The following VPS13B variants were observed in gnomAD, a reference collection of about 807,000 sequenced individuals.
VPS13B encodes intermembrane lipid transfer protein VPS13B.
Under a neutral mutation model 426.4 loss-of-function variants are expected in VPS13B, and 285 were observed. That is an observed-to-expected ratio of 0.67 (90% CI 0.61 to 0.74). The LOEUF is 0.74. Ranked by LOEUF, VPS13B falls within the 30% of genes least tolerant of loss-of-function variation. The pLI is 0.00. For synonymous variants in VPS13B, 1,676 were observed against 1,676.4 expected (o/e 1.00, Z 0.01); for missense variants, 4,537 against 4,782.6 (o/e 0.95, Z 1.51).
At chr8:99,255,273 A>T (rs978756424) in intron 17 of VPS13B, among the ~76,000 whole-genome samples, 2 of 152,058 alleles carry the variant, frequency 1.3e-5, no homozygotes, top group African/African-American at 4.8e-5. Context: ...TTTCTTTGCC[A>T]AAATCTATTT....
chr8:99,831,521 T>C (rs886392881), intron 51 of VPS13B, among the ~76,000 whole-genome samples: 1 of 152,230 alleles, frequency 6.6e-6, no homozygotes, highest in African/African-American at 2.4e-5. Context: ...CTAAAAATTA[T>C]GTTAGATTAA....
chr8:99,699,246 T>G (rs758591977), intron 35 of VPS13B, among the ~76,000 whole-genome samples: 1 of 150,656 alleles, frequency 6.6e-6, no homozygotes, highest in Non-Finnish European at 1.5e-5. Context: ...ATTGACAGCC[T>G]TGATATCCTT....
At position 99,800,964 on chromosome 8, in the gene VPS13B, A is replaced by T. The variant is rs1347517130; in HGVS notation, c.7942-8411A>T. 2.6e-5 allele frequency among the ~76,000 whole-genome samples: 4 copies of T among 152,230 alleles called. No homozygotes were observed. The East Asian group carries it at 7.7e-4, about 29-fold the overall frequency. On this transcript the variant is annotated intron_variant, in intron 43 of 61. Transcript: ENST00000357162. ...AATTCAAATGACTATTACAAAGTAT[A>T]TGATGAAATGACACAATGCACTGTT...
chr8:99,075,388 A>T (rs1393654625), intron 3 of VPS13B, among the ~76,000 whole-genome samples: 2 of 152,106 alleles, frequency 1.3e-5, no homozygotes, highest in Non-Finnish European at 2.9e-5. Context: ...AGTGCTGGGG[A>T]GGTACCACAC....
intron 34 of VPS13B, among the ~76,000 whole-genome samples, chr8:99,656,099 G>A (rs1830009442): frequency 6.6e-6 from 1 of 152,196 alleles, no homozygotes; most frequent in South Asian, 2.1e-4. Flanking sequence ...GACATAATAT[G>A]ATGAAATTTG....
At chr8:99,038,879 G>A (rs1196217302) in intron 3 of VPS13B, among the ~76,000 whole-genome samples, 1 of 151,626 alleles carries the variant, frequency 6.6e-6, no homozygotes, top group Non-Finnish European at 1.5e-5. Flanking sequence ...TAGAGAAGGG[G>A]TTTCACTATG....
intron 35 of VPS13B, among the ~76,000 whole-genome samples, chr8:99,689,229 A>G (rs765232146): frequency 1.3e-5 from 2 of 151,242 alleles, no homozygotes; most frequent in Non-Finnish European, 2.9e-5. Flanking sequence ...CACAACTGGG[A>G]ACCATATTTT....
At chr8:99,521,306 C>T (rs528116264) in intron 30 of VPS13B, among the ~76,000 whole-genome samples, 38 of 152,262 alleles carry the variant, frequency 2.5e-4, no homozygotes, top group South Asian at 6.2e-4. Flanking sequence ...TCTCTAATCA[C>T]ATAAGAAAAC....
chr8:99,779,380 T>C (rs1347012671), intron 42 of VPS13B, among the ~76,000 whole-genome samples: 1 of 152,202 alleles, frequency 6.6e-6, no homozygotes, highest in Non-Finnish European at 1.5e-5. Context: ...TCAAATTGTC[T>C]AACGGTCCAT....
chr8:99,559,474 C>T (rs921261067), intron 31 of VPS13B, among the ~76,000 whole-genome samples: 1 of 152,126 alleles, frequency 6.6e-6, no homozygotes, highest in African/African-American at 2.4e-5. Context: ...GTCATGAAGT[C>T]CTTGCCCATG....
At chr8:99,383,730 G>A (rs1054402063) in intron 19 of VPS13B, among the ~76,000 whole-genome samples, 2 of 151,988 alleles carry the variant, frequency 1.3e-5, no homozygotes, top group African/African-American at 4.8e-5. Context: ...TGTTTTCTTT[G>A]TCAGGCTTAT....
At position 99,760,577 on chromosome 8, in the gene VPS13B, T is replaced by G. The variant is rs1019192086; in HGVS notation, c.7051-6197T>G. 1.6e-4 allele frequency among the ~76,000 whole-genome samples: 24 copies of G among 152,276 alleles called. No individual in the cohort carries two copies. In the East Asian group the frequency reaches 4.0e-3, roughly 26 times the overall value. ...TTTGTAGGATGGAGAAATAAGATAA[T>G]GTAAAGATGATGTCTACATGCTTTT... On this transcript the variant is annotated intron_variant, in intron 39 of 61. Coordinates refer to ENST00000357162, the MANE Select transcript of VPS13B (RefSeq NM_152564.5).
At chr8:99,158,225 A>G (rs1303450513) in intron 15 of VPS13B, among the ~76,000 whole-genome samples, 1 of 152,222 alleles carries the variant, frequency 6.6e-6, no homozygotes, top group Non-Finnish European at 1.5e-5. Context: ...AGGAGAAGTC[A>G]ATGCCTTGCT....
chr8:99,557,511 A>G (rs192820277), intron 31 of VPS13B, among the ~76,000 whole-genome samples: 215 of 152,250 alleles, frequency 1.4e-3, no homozygotes, highest in African/African-American at 5.0e-3. Context: ...ACCATGGTGT[A>G]TATATACCAC....
intron 34 of VPS13B, among the ~76,000 whole-genome samples, chr8:99,648,400 T>C (rs564683689): frequency 4.3e-4 from 66 of 152,378 alleles, no homozygotes; most frequent in African/African-American, 1.5e-3. Context: ...TTGTATGTGA[T>C]GGCTTAAGAA....
At chr8:99,600,417 T>C (rs1191405473) in intron 33 of VPS13B, among the ~76,000 whole-genome samples, 3 of 152,058 alleles carry the variant, frequency 2.0e-5, no homozygotes, top group Non-Finnish European at 4.4e-5. Context: ...TGGATGTGGG[T>C]GTTCTTAGGG....
chr8:99,730,467 A>G (rs1833548398), intron 39 of VPS13B, among the ~76,000 whole-genome samples: 2 of 152,202 alleles, frequency 1.3e-5, no homozygotes, highest in African/African-American at 2.4e-5. Context: ...AAAATCTAAA[A>G]TAGAGTGTTC....
Position 99,115,917 on chromosome 8 carries a change from A to G in VPS13B, c.937+43A>G, listed in dbSNP as rs373752193. 15 of 1,591,358 alleles carry G rather than the reference A, an allele frequency of 9.4e-6. No individual in the cohort carries two copies. The African/African-American group carries it at 1.8e-4, about 19-fold the overall frequency. On this transcript the variant is annotated intron_variant, in intron 7 of 61. Transcript: ENST00000357162. ...TAAACAAAAACTTTATTTTAAGACTATTCTTACGTTTTACCATTGGGAAAC... is the reference window on the plus strand; with the variant it reads ...TAAACAAAAACTTTATTTTAAGACTGTTCTTACGTTTTACCATTGGGAAAC...
At chr8:99,293,649 GA>G (rs1410679487) in intron 19 of VPS13B, among the ~76,000 whole-genome samples, 1 of 148,364 alleles carries the variant, frequency 6.7e-6, no homozygotes, top group African/African-American at 2.5e-5. Flanking sequence ...CTCATCTGAC[GA>G]AGGGCTAATA....
Sources: gnomAD v4.1 joint callset for allele counts (sites outside exome capture counted in the v4.1 genomes callset) on GRCh38, gnomAD v4.1.1 for gene constraint, MANE v1.5 for transcripts, NCBI Gene and HGNC (gene_info 2026-07-23, HGNC 2026-07-21) for gene names.